The following TIAM1 variants were observed in gnomAD, a reference collection of about 807,000 sequenced individuals.
TIAM1 encodes the protein TIAM Rac1 associated GEF 1.
Under a neutral mutation model 163.5 loss-of-function variants are expected in TIAM1, and 65 were observed. The ratio of observed to expected loss-of-function variants is 0.40; its 90% CI spans 0.33 to 0.49. The LOEUF (loss-of-function observed/expected upper bound fraction) is 0.49, where lower values mean the gene tolerates loss of function less well. Ranked by LOEUF, TIAM1 falls within the 20% of genes least tolerant of loss-of-function variation. The probability of loss-of-function intolerance (pLI) is 0.77; values close to 1 mark genes in which losing one functional copy is unlikely to be tolerated. For synonymous variants in TIAM1, 833 were observed against 810.1 expected, an observed-to-expected ratio of 1.03 and a Z score of -0.48; for missense variants, 1,789 against 2,044.7, an observed-to-expected ratio of 0.87 and a Z score of 2.41.
At chr21:31,337,860 T>C (rs1361782240) in intron 2 of TIAM1, among the ~76,000 whole-genome samples, 1 of 152,026 alleles carries the variant, frequency 6.6e-6, no homozygotes, top group Non-Finnish European at 1.5e-5. Flanking sequence ...TTTTTACCCC[T>C]TGAAAAAGGC....
At chr21:31,179,379 C>T (rs1260765851) in intron 15 of TIAM1, among the ~76,000 whole-genome samples, 1 of 151,208 alleles carries the variant, frequency 6.6e-6, no homozygotes. Flanking sequence ...AAGACCGCAA[C>T]TTCGTTTCAA....
At chr21:31,418,163 G>A (rs760763906) in intron 2 of TIAM1, among the ~76,000 whole-genome samples, 16 of 151,954 alleles carry the variant, frequency 1.1e-4, no homozygotes, top group Admixed American at 3.9e-4. Context: ...CCAACATGGC[G>A]AAACCCCATC....
At chr21:31,333,331 A>T (rs2075738146) in intron 2 of TIAM1, among the ~76,000 whole-genome samples, 1 of 152,166 alleles carries the variant, frequency 6.6e-6, no homozygotes, top group Admixed American at 6.5e-5. Context: ...TTTGAAGATT[A>T]AATGTCCTGA....
At chr21:31,376,123 T>C (rs1351569238) in intron 2 of TIAM1, among the ~76,000 whole-genome samples, 2 of 152,244 alleles carry the variant, frequency 1.3e-5, no homozygotes, top group Non-Finnish European at 2.9e-5. Flanking sequence ...TAAACGATAC[T>C]GCCACATCCT....
chr21:31,368,696 A>G (rs1422554829), intron 2 of TIAM1, among the ~76,000 whole-genome samples: 1 of 152,240 alleles, frequency 6.6e-6, no homozygotes, highest in Non-Finnish European at 1.5e-5. Context: ...TAAGAAGAAA[A>G]GGACGGGAGA....
intron 2 of TIAM1, among the ~76,000 whole-genome samples, chr21:31,406,510 C>T (rs2077249649): frequency 3.6e-5 from 5 of 140,224 alleles, no homozygotes; most frequent in Admixed American, 2.8e-4. Flanking sequence ...TAGAACAGGG[C>T]CTGCCCTACA....
intron 16 of TIAM1, chr21:31,160,700 C>T (rs2083870670): frequency 2.6e-6 from 1 of 391,072 alleles, no homozygotes; most frequent in Non-Finnish European, 4.5e-6. Context: ...TCTACGGCCA[C>T]GTCTCAACGC....
At chr21:31,450,364 A>G (rs2044782661) in intron 2 of TIAM1, among the ~76,000 whole-genome samples, 1 of 152,180 alleles carries the variant, frequency 6.6e-6, no homozygotes, top group African/African-American at 2.4e-5. Flanking sequence ...GTGCTTATTA[A>G]CGGTGCCAGC....
chr21:31,427,465 G>C (rs541006697), intron 2 of TIAM1, among the ~76,000 whole-genome samples: 61 of 150,406 alleles, frequency 4.1e-4, no homozygotes, highest in Non-Finnish European at 7.6e-4. Flanking sequence ...CCAGCCTGGG[G>C]GACAGAGCGA....
At position 31,223,485 on chromosome 21, in the gene TIAM1, A is replaced by G. The variant is rs1366612110; in HGVS notation, c.1916T>C (p.Leu639Pro). ...QGGELPNPKR[L>P]LAFASRPTKV... ...CGTTGGTCGACTTGCAAAAGCGAGA[A>G]GCCTTTTGGGGTTTGGCAGCTCCCC... Residue 639 changes from leucine to proline, a missense_variant, in exon 8 of 28, where the codon CTT becomes CCT. Transcript: ENST00000541036. 1 of 1,613,888 alleles carries G rather than the reference A, an allele frequency of 6.2e-7. No individual in the cohort carries two copies. Among genetic ancestry groups the G allele is most frequent in the African/African-American group, 1.3e-5 (1 of 74,930 alleles).
At chr21:31,496,642 C>T (rs1283341522) in intron 1 of TIAM1, among the ~76,000 whole-genome samples, 1 of 151,866 alleles carries the variant, frequency 6.6e-6, no homozygotes, top group Non-Finnish European at 1.5e-5. Flanking sequence ...TTAGTGTAGC[C>T]TAAGTGTCCA....
At chr21:31,260,729 AGAG>A (rs1167714681) in intron 4 of TIAM1, among the ~76,000 whole-genome samples, 4 of 148,114 alleles carry the variant, frequency 2.7e-5, no homozygotes, top group South Asian at 2.2e-4. Context: ...AACAGAAGAT[AGAG>A]GAGAACAGAA....
chr21:31,384,174 T>C (rs1384572269), intron 2 of TIAM1, among the ~76,000 whole-genome samples: 1 of 151,384 alleles, frequency 6.6e-6, no homozygotes, highest in Non-Finnish European at 1.5e-5. Context: ...GTAAGTTTAA[T>C]GAACAAATAA....
intron 2 of TIAM1, among the ~76,000 whole-genome samples, chr21:31,367,813 T>A (rs1015108468): frequency 6.6e-6 from 1 of 152,196 alleles, no homozygotes; most frequent in African/African-American, 2.4e-5. Context: ...TTCCACATCC[T>A]CATGGGCCAC....
upstream of TIAM1, among the ~76,000 whole-genome samples, chr21:31,345,855 C>T (rs570435142): frequency 6.6e-6 from 1 of 152,248 alleles, no homozygotes; most frequent in African/African-American, 2.4e-5. Context: ...GAGGCTGAGG[C>T]ATGAGAATTG....
intron 1 of TIAM1, among the ~76,000 whole-genome samples, chr21:31,470,335 T>G (rs2045696571): frequency 6.6e-6 from 1 of 150,618 alleles, no homozygotes. Context: ...ATTTATTTAC[T>G]TATTTATATT....
intron 15 of TIAM1, among the ~76,000 whole-genome samples, chr21:31,169,865 T>A (rs945632957): frequency 1.3e-5 from 2 of 152,048 alleles, no homozygotes; most frequent in African/African-American, 4.8e-5. Flanking sequence ...CTAGAAACAT[T>A]AACTTTGGTT....
chr21:31,251,701 T>C (rs1435968308), intron 5 of TIAM1, 41 bp downstream of exon 5: 6 of 1,528,060 alleles, frequency 3.9e-6, no homozygotes, highest in Non-Finnish European at 5.3e-6. Flanking sequence ...GGCACCTCTA[T>C]TGGTGCATTT....
intron 6 of TIAM1, among the ~76,000 whole-genome samples, chr21:31,230,584 G>C (rs2088353613): frequency 6.6e-6 from 1 of 152,146 alleles, no homozygotes; most frequent in South Asian, 2.1e-4. Context: ...GAGTGCCTGG[G>C]CATGATCTCA....
Sources: gnomAD v4.1 joint callset for allele counts (sites outside exome capture counted in the v4.1 genomes callset) on GRCh38, gnomAD v4.1.1 for gene constraint, MANE v1.5 for transcripts, NCBI Gene and HGNC (gene_info 2026-07-23, HGNC 2026-07-21) for gene names.